Variants in NCKAP5 observed in about 807,000 individuals in gnomAD.
NCKAP5 encodes the protein NCK associated protein 5, also known as nck-associated protein 5.
Under a neutral mutation model 167.0 loss-of-function variants are expected in NCKAP5, and 92 were observed. That is an observed-to-expected ratio of 0.55 (90% CI 0.47 to 0.66). NCKAP5 has a LOEUF of 0.66. Among genes scored for constraint, NCKAP5 ranks in the 30% least tolerant of loss-of-function variants. NCKAP5 has a pLI of 0.00. For missense variants in NCKAP5, 2,378 were observed against 2,315.0 expected (o/e 1.03, Z -0.56); for synonymous variants, 891 against 877.4 (o/e 1.02, Z -0.27).
intron 2 of NCKAP5, among the ~76,000 whole-genome samples, chr2:133,530,666 A>G (rs568229922): frequency 6.6e-6 from 1 of 152,256 alleles, no homozygotes; most frequent in African/African-American, 2.4e-5. Flanking sequence ...GATGGTGCTC[A>G]TTTCTCCACC....
chr2:133,650,641 G>A, the NCKAP5 span, among the ~76,000 whole-genome samples: 6 of 152,254 alleles, frequency 3.9e-5, no homozygotes, highest in South Asian at 2.1e-4. Flanking sequence ...TTGGGAGGCC[G>A]AGGCAGGTGG....
At chr2:133,160,408 C>CT (rs59557631) in intron 5 of NCKAP5, among the ~76,000 whole-genome samples, 92,678 of 121,226 alleles carry the variant, frequency 0.76, 35,238 homozygotes, top group Middle Eastern at 0.8. Flanking sequence ...AGGTCACATT[C>CT]TTTTTTTTTT....
At position 133,178,504 on chromosome 2, in the gene NCKAP5, C is replaced by CAAAAAAAAAAAA. The variant is rs869253241; in HGVS notation, c.207+35200_207+35211dup. Among the ~76,000 whole-genome samples, 6 of 23,952 alleles carry CAAAAAAAAAAAA rather than the reference C, an allele frequency of 2.5e-4. 2 individuals are homozygous for CAAAAAAAAAAAA. Among genetic ancestry groups the CAAAAAAAAAAAA allele is most frequent in the African/African-American group, 1.3e-3 (5 of 3,760 alleles). 15.7% of individuals were successfully genotyped at this position (23,952 alleles called of 152,430 possible). A position where few individuals can be genotyped will look rare whatever the true frequency, so the allele number is the denominator to read the frequency against. On this transcript the variant is annotated intron_variant, in intron 5 of 19. Coordinates refer to ENST00000409261, the MANE Select transcript of NCKAP5 (RefSeq NM_207363.3). ...TGGGTGACACAATGAGACCCTGTCT[C>CAAAAAAAAAAAA]AAAAAAAAAAAAAAAAAAAAAAAAA...
chr2:132,995,849 C>A (rs536460253), intron 6 of NCKAP5, among the ~76,000 whole-genome samples: 127 of 151,560 alleles, frequency 8.4e-4, no homozygotes, highest in Non-Finnish European at 1.5e-3. Context: ...GTGGCAGGTG[C>A]CTGTAATCCA....
intron 4 of NCKAP5, among the ~76,000 whole-genome samples, chr2:133,273,703 A>G (rs1338395240): frequency 2.0e-5 from 3 of 152,002 alleles, no homozygotes; most frequent in Non-Finnish European, 4.4e-5. Context: ...TTATAACAGT[A>G]GTAATAATAA....
At chr2:132,895,235 G>T (rs1307368308) in intron 8 of NCKAP5, among the ~76,000 whole-genome samples, 1 of 151,754 alleles carries the variant, frequency 6.6e-6, no homozygotes, top group Non-Finnish European at 1.5e-5. Context: ...GGAGGCTGAG[G>T]CAGGAGAATA....
At chr2:133,432,159 A>G (rs1449837375) in intron 3 of NCKAP5, among the ~76,000 whole-genome samples, 1 of 152,190 alleles carries the variant, frequency 6.6e-6, no homozygotes, top group Non-Finnish European at 1.5e-5. Flanking sequence ...AAGAGGAAAC[A>G]TCATAGAGTT....
chr2:133,258,277 C>T (rs1559325677), intron 4 of NCKAP5, among the ~76,000 whole-genome samples: 1 of 152,120 alleles, frequency 6.6e-6, no homozygotes, highest in East Asian at 1.9e-4. Flanking sequence ...TGTGACTAGG[C>T]CCCTAATCAC....
chr2:133,545,119 G>C (rs565536072), intron 2 of NCKAP5, among the ~76,000 whole-genome samples: 2 of 152,252 alleles, frequency 1.3e-5, no homozygotes, highest in East Asian at 1.9e-4. Context: ...ACACTCAAAA[G>C]GAAAGAGATG....
chr2:132,967,019 C>T (rs1463743723), intron 7 of NCKAP5, among the ~76,000 whole-genome samples: 1 of 152,188 alleles, frequency 6.6e-6, no homozygotes, highest in African/African-American at 2.4e-5. Flanking sequence ...CCTTGGGTGA[C>T]TAATTTTTCA....
At position 133,490,457 on chromosome 2, in the gene NCKAP5, T is replaced by G. The variant is rs574186256; in HGVS notation, c.69+27001A>C. On this transcript the variant is annotated intron_variant, in intron 3 of 19. Coordinates refer to ENST00000409261, the MANE Select transcript of NCKAP5 (RefSeq NM_207363.3). The stretch of plus-strand genomic sequence containing the variant: ...AAGACCTGCCCTGTGGTAACAATGT[T>G]ATGTGGAGAAAAGTACAAGAGTATC... 2.0e-5 allele frequency among the ~76,000 whole-genome samples: 3 copies of G among 152,264 alleles called. No individual in the cohort carries two copies. In the South Asian group the frequency reaches 6.2e-4, roughly 32 times the overall value.
chr2:133,226,640 CAGGA>C (rs2086907897), intron 4 of NCKAP5, among the ~76,000 whole-genome samples: 1 of 150,674 alleles, frequency 6.6e-6, no homozygotes, highest in Non-Finnish European at 1.5e-5. Flanking sequence ...CACACACACA[CAGGA>C]AGAACACCAT....
intron 4 of NCKAP5, among the ~76,000 whole-genome samples, chr2:133,238,435 A>T (rs182323396): frequency 2.0e-5 from 3 of 152,324 alleles, no homozygotes; most frequent in African/African-American, 7.2e-5. Context: ...TCTATGACTA[A>T]CTATAGAAGG....
At chr2:132,775,354 T>C (rs1040026908) in intron 15 of NCKAP5, among the ~76,000 whole-genome samples, 1 of 152,242 alleles carries the variant, frequency 6.6e-6, no homozygotes, top group African/African-American at 2.4e-5. Flanking sequence ...TGGTGCTTAA[T>C]CTGTACCATG....
intron 6 of NCKAP5, among the ~76,000 whole-genome samples, chr2:133,012,920 A>G (rs2078212427): frequency 6.6e-6 from 1 of 152,076 alleles, no homozygotes; most frequent in African/African-American, 2.4e-5. Flanking sequence ...CAGCACATCT[A>G]CAGGTGCCAG....
At chr2:133,163,821 A>T (rs982945532) in intron 5 of NCKAP5, among the ~76,000 whole-genome samples, 6 of 152,204 alleles carry the variant, frequency 3.9e-5, no homozygotes, top group Admixed American at 3.9e-4. Flanking sequence ...TCAAGTAGTA[A>T]TTGTATGAGA....
chr2:132,732,453 T>G (rs1691122066), intron 16 of NCKAP5, among the ~76,000 whole-genome samples: 1 of 152,164 alleles, frequency 6.6e-6, no homozygotes, highest in Non-Finnish European at 1.5e-5. Flanking sequence ...AGAAAAATGA[T>G]AAGCATTTGG....
intron 13 of NCKAP5, 54 bp from the exon 14 acceptor site, chr2:132,785,772 T>C (rs1683516376): frequency 7.3e-7 from 1 of 1,362,478 alleles, no homozygotes; most frequent in African/African-American, 1.5e-5. Flanking sequence ...ATCACAAAGA[T>C]ATAAAAGGAA....
chr2:132,686,696 T>C (rs1371310164), intron 19 of NCKAP5, among the ~76,000 whole-genome samples: 2 of 152,194 alleles, frequency 1.3e-5, no homozygotes, highest in Admixed American at 6.5e-5. Context: ...TTGAAAGCGA[T>C]TGAATTCCTA....
Sources: gnomAD v4.1 joint callset for allele counts (sites outside exome capture counted in the v4.1 genomes callset) on GRCh38, gnomAD v4.1.1 for gene constraint, MANE v1.5 for transcripts, NCBI Gene and HGNC (gene_info 2026-07-23, HGNC 2026-07-21) for gene names.